Variants in RBFOX1 observed in about 807,000 individuals in gnomAD.
RBFOX1 encodes the protein RNA binding fox-1 homolog 1.
RBFOX1 carries 8 observed loss-of-function variants against 57.7 expected under a neutral mutation model. The ratio of observed to expected loss-of-function variants is 0.14; its 90% CI spans 0.08 to 0.25. RBFOX1 has a LOEUF of 0.25. Ranked by LOEUF, RBFOX1 falls within the 10% of genes least tolerant of loss-of-function variation. The pLI is 1.00. For synonymous variants in RBFOX1, 326 were observed against 222.4 expected (o/e 1.47, Z -4.15); for missense variants, 611 against 548.5 (o/e 1.11, Z -1.14).
chr16:7,042,927 A>AAAAT (rs575931636), intron 3 of RBFOX1, among the ~76,000 whole-genome samples: 97 of 152,308 alleles, frequency 6.4e-4, no homozygotes, highest in Admixed American at 5.6e-3. Flanking sequence ...CTTTGTTTCA[A>AAAAT]AAATAAATAA....
intron 3 of RBFOX1, among the ~76,000 whole-genome samples, chr16:6,864,404 C>G (rs1326774297): frequency 2.6e-5 from 4 of 152,104 alleles, no homozygotes; most frequent in African/African-American, 9.7e-5. Flanking sequence ...TTTGCAGGCA[C>G]AGAAATTTTG....
intron 4 of RBFOX1, among the ~76,000 whole-genome samples, chr16:7,181,357 A>C (rs1165793189): frequency 6.6e-6 from 1 of 152,096 alleles, no homozygotes; most frequent in Non-Finnish European, 1.5e-5. Flanking sequence ...CTTTGGTTCT[A>C]CTTTTCCCTA....
At chr16:7,606,961 G>GA (rs1360945999) in intron 9 of RBFOX1, among the ~76,000 whole-genome samples, 1 of 152,034 alleles carries the variant, frequency 6.6e-6, no homozygotes, top group African/African-American at 2.4e-5. Context: ...TATAAAATAA[G>GA]AAAAAATTAA....
intron 2 of RBFOX1, among the ~76,000 whole-genome samples, chr16:5,559,777 C>T (rs1360726584): frequency 6.6e-6 from 1 of 152,204 alleles, no homozygotes; most frequent in Non-Finnish European, 1.5e-5. Context: ...CCTCATCTTG[C>T]TTTTAACATC....
chr16:6,543,174 A>G (rs1334341226), intron 2 of RBFOX1, among the ~76,000 whole-genome samples: 1 of 152,192 alleles, frequency 6.6e-6, no homozygotes, highest in Non-Finnish European at 1.5e-5. Flanking sequence ...TAGGTGGAAC[A>G]TGGCAGGATT....
intron 4 of RBFOX1, among the ~76,000 whole-genome samples, chr16:5,909,623 T>C (rs572447746): frequency 6.6e-6 from 1 of 152,274 alleles, no homozygotes; most frequent in East Asian, 1.9e-4. Context: ...AGCCTAACTC[T>C]GTAGCCTCCC....
chr16:7,507,889 A>AT (rs2073896912), intron 4 of RBFOX1, among the ~76,000 whole-genome samples: 1 of 151,522 alleles, frequency 6.6e-6, no homozygotes, highest in Non-Finnish European at 1.5e-5. Flanking sequence ...AAAAGAATAC[A>AT]TAAGGAGCTC....
At chr16:6,524,955 T>G (rs1194173322) in intron 2 of RBFOX1, among the ~76,000 whole-genome samples, 1 of 152,186 alleles carries the variant, frequency 6.6e-6, no homozygotes, top group Non-Finnish European at 1.5e-5. Context: ...GCAAGGACCC[T>G]ATTTCCAAAT....
chr16:6,993,947 C>T (rs969896856), intron 3 of RBFOX1, among the ~76,000 whole-genome samples: 2 of 152,146 alleles, frequency 1.3e-5, no homozygotes, highest in Admixed American at 6.5e-5. Flanking sequence ...TGATTTGGTG[C>T]AAGGCAGAAA....
At chr16:6,335,274 G>A (rs1599749724) in intron 2 of RBFOX1, among the ~76,000 whole-genome samples, 1 of 152,110 alleles carries the variant, frequency 6.6e-6, no homozygotes, top group Non-Finnish European at 1.5e-5. Flanking sequence ...TGAAGGTGGT[G>A]GTCTTATGTT....
chr16:6,821,252 T>C (rs907926890), intron 3 of RBFOX1, among the ~76,000 whole-genome samples: 3 of 152,204 alleles, frequency 2.0e-5, no homozygotes, highest in Admixed American at 6.5e-5. Context: ...GGTGTCTCTT[T>C]ACATCTAACC....
intron 1 of RBFOX1, among the ~76,000 whole-genome samples, chr16:6,281,678 C>A (rs941036053): frequency 6.6e-6 from 1 of 151,984 alleles, no homozygotes; most frequent in Non-Finnish European, 1.5e-5. Context: ...ACTTTTGTGC[C>A]GACGTAATAA....
intron 3 of RBFOX1, among the ~76,000 whole-genome samples, chr16:6,880,402 C>G (rs568208483): frequency 6.6e-6 from 1 of 152,272 alleles, no homozygotes; most frequent in African/African-American, 2.4e-5. Context: ...CGCCCTGTTG[C>G]AGGAATGAAC....
intron 1 of RBFOX1, among the ~76,000 whole-genome samples, chr16:6,250,067 G>A (rs1035929826): frequency 2.2e-4 from 33 of 152,120 alleles, no homozygotes; most frequent in Admixed American, 2.0e-3. Context: ...GCCCAGGCAC[G>A]TGGCAGGGTG....
intron 1 of RBFOX1, among the ~76,000 whole-genome samples, chr16:6,044,004 G>T (rs2095469794): frequency 6.6e-6 from 1 of 152,154 alleles, no homozygotes; most frequent in African/African-American, 2.4e-5. Flanking sequence ...TTGCTGCATA[G>T]CCTGTGTGGT....
At position 7,272,365 on chromosome 16, in the gene RBFOX1, A is replaced by G. The variant is rs145446207; in HGVS notation, c.27+220267A>G. Among the ~76,000 whole-genome samples the G allele has an allele frequency of 4.8e-4, 73 of 152,074 alleles. No individual in the cohort carries two copies. The East Asian group carries it at 0.011, about 22-fold the overall frequency. On this transcript the variant is annotated intron_variant, in intron 4 of 15. Coordinates refer to ENST00000550418, the MANE Select transcript of RBFOX1 (RefSeq NM_018723.4). ...ACACCCAGCTAGTTTTTGTATTTTT[A>G]GTAGAGACTGTGTTCCGCCATGTTG...
chr16:7,180,532 G>C (rs1232114984), intron 4 of RBFOX1, among the ~76,000 whole-genome samples: 11 of 152,002 alleles, frequency 7.2e-5, no homozygotes, highest in Admixed American at 7.2e-4. Context: ...GATTTTATTG[G>C]GTAGTGCTTT....
chr16:6,261,212 A>C (rs1180190527), intron 1 of RBFOX1, among the ~76,000 whole-genome samples: 1 of 152,206 alleles, frequency 6.6e-6, no homozygotes, highest in African/African-American at 2.4e-5. Context: ...GGATGAGAGA[A>C]AAATTGGCAA....
At chr16:6,290,814 G>A (rs1358122115) in intron 1 of RBFOX1, among the ~76,000 whole-genome samples, 1 of 152,018 alleles carries the variant, frequency 6.6e-6, no homozygotes, top group African/African-American at 2.4e-5. Context: ...ACCAGAAAGG[G>A]GTCCAAATCC....
Sources: gnomAD v4.1 joint callset for allele counts (sites outside exome capture counted in the v4.1 genomes callset) on GRCh38, gnomAD v4.1.1 for gene constraint, MANE v1.5 for transcripts, NCBI Gene and HGNC (gene_info 2026-07-23, HGNC 2026-07-21) for gene names.